Variants in FGF12 observed in about 807,000 individuals in gnomAD.
FGF12 encodes the protein fibroblast growth factor 12.
In FGF12, 14 loss-of-function variants were observed where a neutral mutation model predicts 23.6. The ratio of observed to expected loss-of-function variants is 0.59; its 90% CI spans 0.39 to 0.93. FGF12 has a LOEUF of 0.93. Ranked by LOEUF, FGF12 falls within the 40% of genes least tolerant of loss-of-function variation. FGF12 has a pLI of 0.00. For synonymous variants in FGF12, 62 were observed against 77.3 expected (o/e 0.80, Z 1.04); for missense variants, 175 against 217.8 (o/e 0.80, Z 1.24).
Position 192,623,940 on chromosome 3 carries a change from A to G in FGF12, c.13+103241T>C, listed in dbSNP as rs539098412. Among the ~76,000 whole-genome samples the G allele has an allele frequency of 1.7e-4, 26 of 152,336 alleles. 1 individual carries two copies. The South Asian group carries it at 5.2e-3, about 30-fold the overall frequency. On this transcript the variant is annotated intron_variant, in intron 2 of 5. Transcript: ENST00000445105. ...ATTAGTTTATGGAGCCTCCAAAAAC[A>G]TGCTCGACTGTATAATCAATTTTAA...
chr3:192,545,011 ACT>A (rs781440863), intron 2 of FGF12, among the ~76,000 whole-genome samples: 1 of 152,178 alleles, frequency 6.6e-6, no homozygotes, highest in Non-Finnish European at 1.5e-5. Flanking sequence ...CTTAAGGAGA[ACT>A]TGAATAATCA....
At chr3:192,244,724 T>G (rs1003902528) in intron 4 of FGF12, 4 of 152,186 alleles carry the variant, frequency 2.6e-5, no homozygotes, top group African/African-American at 7.2e-5. Flanking sequence ...AAAGAAGATA[T>G]GCACAGTATG....
intron 5 of FGF12, among the ~76,000 whole-genome samples, chr3:192,158,359 TTTCTTTCTTTCTTTCTTTCTTTC>T (rs1338235026): frequency 1.8e-5 from 2 of 110,626 alleles, no homozygotes; most frequent in Non-Finnish European, 3.7e-5. Context: ...TCTTTCTTTC[TTTCTTTCTTTCTTTCTTTCTTTC>T]TTTTCTTTCT....
rs527310745 is a variant in FGF12, at chr3:192,706,856, T to G, written c.13+20325A>C. On this transcript the variant is annotated intron_variant, in intron 2 of 5. Transcript: ENST00000445105. ...AAAGAATTATTCACTATAATCCCAT[T>G]AAGCCAAGATTCTAAGGCGACTTCA... Among the ~76,000 whole-genome samples, 9 of 152,304 alleles carry G rather than the reference T, an allele frequency of 5.9e-5. No homozygotes were observed. In the South Asian group the frequency reaches 1.9e-3, roughly 32 times the overall value.
intron 4 of FGF12, among the ~76,000 whole-genome samples, chr3:192,299,974 C>A (rs966051734): frequency 1.3e-5 from 2 of 152,150 alleles, no homozygotes; most frequent in Non-Finnish European, 2.9e-5. Flanking sequence ...GGTATTTATG[C>A]ATTTTATTTT....
At position 192,609,574 on chromosome 3, in the gene FGF12, G is replaced by C. The variant is rs1353657404; in HGVS notation, c.13+117607C>G. On this transcript the variant is annotated intron_variant, in intron 2 of 5. Coordinates refer to ENST00000445105, the MANE Select transcript of FGF12 (RefSeq NM_004113.6). The stretch of plus-strand genomic sequence containing the variant: ...ACAATTCCTAATATCTTGCAAGTAA[G>C]CTTGTTCTTCTTTCATTATTACACT... Among the ~76,000 whole-genome samples the C allele has an allele frequency of 1.3e-4, 20 of 152,144 alleles. No individual in the cohort carries two copies. The East Asian group carries it at 3.1e-3, about 24-fold the overall frequency.
At chr3:192,161,364 G>A (rs1255091535) in intron 5 of FGF12, among the ~76,000 whole-genome samples, 7 of 151,976 alleles carry the variant, frequency 4.6e-5, no homozygotes, top group Non-Finnish European at 8.8e-5. Flanking sequence ...AGAAATACCC[G>A]GATGTTCTAA....
At chr3:192,702,183 C>A (rs1426330129) in intron 2 of FGF12, among the ~76,000 whole-genome samples, 1 of 152,202 alleles carries the variant, frequency 6.6e-6, no homozygotes, top group Non-Finnish European at 1.5e-5. Flanking sequence ...TCCATGTTGT[C>A]ACAAATGTCA....
chr3:192,391,691 T>A (rs1375047381), intron 2 of FGF12, among the ~76,000 whole-genome samples: 2 of 152,204 alleles, frequency 1.3e-5, no homozygotes, highest in Non-Finnish European at 2.9e-5. Flanking sequence ...GTGCTGTAAA[T>A]CCTTCATCTC....
chr3:192,167,183 A>G lies in FGF12; in HGVS notation c.427+3275T>C, dbSNP rs1014105963. 5.2e-3 allele frequency among the ~76,000 whole-genome samples: 744 copies of G among 142,832 alleles called. 6 individuals are homozygous for G. Among genetic ancestry groups the G allele is most frequent in the African/African-American group, 0.018 (716 of 38,788 alleles). 93.7% of individuals were successfully genotyped at this position (142,832 alleles called of 152,430 possible). ...GCTATCAAAAAAAAAAAAAAAAAAAAGACTACATTCTTAGCTTCTTTACAC... is the reference window on the plus strand; with the variant it reads ...GCTATCAAAAAAAAAAAAAAAAAAAGGACTACATTCTTAGCTTCTTTACAC... On this transcript the variant is annotated intron_variant, in intron 5 of 5. Coordinates refer to ENST00000445105, the MANE Select transcript of FGF12 (RefSeq NM_004113.6).
At chr3:192,179,304 T>C (rs1716034812) in intron 4 of FGF12, among the ~76,000 whole-genome samples, 4 of 152,328 alleles carry the variant, frequency 2.6e-5, no homozygotes, top group Admixed American at 2.6e-4. Flanking sequence ...AGCTGATTCC[T>C]CTAAAAATAA....
chr3:192,491,738 C>A (rs1036046150), intron 2 of FGF12, among the ~76,000 whole-genome samples: 4 of 152,104 alleles, frequency 2.6e-5, no homozygotes, highest in East Asian at 1.9e-4. Context: ...TATTTCCTAG[C>A]CTTTTTCATG....
intron 4 of FGF12, among the ~76,000 whole-genome samples, chr3:192,320,139 T>C (rs1015482517): frequency 6.6e-5 from 10 of 151,892 alleles, no homozygotes; most frequent in East Asian, 1.9e-4. Flanking sequence ...CATAGACAGA[T>C]ACAAAGATGG....
At chr3:192,554,171 T>C (rs1264331830) in intron 2 of FGF12, among the ~76,000 whole-genome samples, 1 of 152,234 alleles carries the variant, frequency 6.6e-6, no homozygotes, top group African/African-American at 2.4e-5. Context: ...AGATTGCTGC[T>C]GCTACTGATA....
chr3:192,521,391 A>T (rs920142484), intron 2 of FGF12: 6 of 152,182 alleles, frequency 3.9e-5, no homozygotes, highest in African/African-American at 1.4e-4. Flanking sequence ...CCATAAGAAA[A>T]CTTTAAAGAT....
chr3:192,384,422 C>A (rs3109184), intron 2 of FGF12, among the ~76,000 whole-genome samples: 11,333 of 152,088 alleles, frequency 0.075, 637 homozygotes, highest in Non-Finnish European at 0.11. Context: ...ATCTTCCCTA[C>A]GAAGGTGAGA....
chr3:192,310,282 C>T (rs928506470), intron 4 of FGF12, among the ~76,000 whole-genome samples: 4 of 152,132 alleles, frequency 2.6e-5, no homozygotes, highest in African/African-American at 9.7e-5. Flanking sequence ...TGCCCCTCAA[C>T]TGTGTGCTAT....
intron 4 of FGF12, among the ~76,000 whole-genome samples, chr3:192,177,762 T>C (rs1169660973): frequency 6.6e-6 from 1 of 152,250 alleles, no homozygotes; most frequent in Admixed American, 6.5e-5. Context: ...ATGTCTTCAG[T>C]AACATATTAA....
intron 2 of FGF12, among the ~76,000 whole-genome samples, chr3:192,418,499 A>C (rs1189857698): frequency 6.6e-6 from 1 of 152,142 alleles, no homozygotes; most frequent in African/African-American, 2.4e-5. Context: ...TATAGGTTAA[A>C]AGTGTTTGAG....
Sources: gnomAD v4.1 joint callset for allele counts (sites outside exome capture counted in the v4.1 genomes callset) on GRCh38, gnomAD v4.1.1 for gene constraint, MANE v1.5 for transcripts, NCBI Gene and HGNC (gene_info 2026-07-23, HGNC 2026-07-21) for gene names.